Variants in ASTN2 observed in about 807,000 individuals in gnomAD.
ASTN2 encodes astrotactin 2, also known as astrotactin-2.
A neutral mutation model predicts 139.8 loss-of-function variants in ASTN2; 54 were observed. The observed-to-expected ratio is 0.39, with a 90% CI of 0.31 to 0.48. The LOEUF (loss-of-function observed/expected upper bound fraction) is 0.48, where lower values mean the gene tolerates loss of function less well. Ranked by LOEUF, ASTN2 falls within the 20% of genes least tolerant of loss-of-function variation. The pLI is 0.95. For synonymous variants in ASTN2, 756 were observed against 719.5 expected (o/e 1.05, Z -0.81); for missense variants, 1,565 against 1,725.1 (o/e 0.91, Z 1.64).
intron 7 of ASTN2, among the ~76,000 whole-genome samples, chr9:116,996,783 A>T (rs79246733): frequency 0.06 from 9,163 of 152,044 alleles, 317 homozygotes; most frequent in East Asian, 0.15. Flanking sequence ...TTTTCCATAC[A>T]TTTGTTTATT....
intron 1 of ASTN2, among the ~76,000 whole-genome samples, chr9:117,323,082 G>C (rs1828385874): frequency 6.6e-6 from 1 of 152,024 alleles, no homozygotes; most frequent in African/African-American, 2.4e-5. Flanking sequence ...CCTGATGTTA[G>C]ATTGACAGTC....
At chr9:116,996,234 T>C (rs1837011403) in intron 7 of ASTN2, among the ~76,000 whole-genome samples, 1 of 152,148 alleles carries the variant, frequency 6.6e-6, no homozygotes, top group South Asian at 2.1e-4. Context: ...TGATAATTAT[T>C]AGTATAGTAT....
intron 1 of ASTN2, among the ~76,000 whole-genome samples, chr9:117,381,899 T>C (rs908654338): frequency 6.6e-6 from 1 of 152,140 alleles, no homozygotes; most frequent in Non-Finnish European, 1.5e-5. Context: ...AAGGATAGTG[T>C]TCTGGTCACA....
At chr9:116,457,540 G>A (rs1023036444) in intron 20 of ASTN2, among the ~76,000 whole-genome samples, 1 of 152,062 alleles carries the variant, frequency 6.6e-6, no homozygotes, top group Non-Finnish European at 1.5e-5. Context: ...ATGGGCAAAA[G>A]ATCTGAATAG....
intron 5 of ASTN2, among the ~76,000 whole-genome samples, chr9:117,042,079 A>G (rs954455668): frequency 6.6e-6 from 1 of 152,202 alleles, no homozygotes; most frequent in Non-Finnish European, 1.5e-5. Flanking sequence ...TAAGTGCATG[A>G]TGACTCCCAT....
At chr9:116,801,585 C>CAAAAAAA (rs397893932) in intron 13 of ASTN2, among the ~76,000 whole-genome samples, 99 of 60,370 alleles carry the variant, frequency 1.6e-3, no homozygotes, top group Non-Finnish European at 2.3e-3. Context: ...GGCTCTGTCT[C>CAAAAAAA]AAAAAAAAAA....
chr9:116,583,623 G>C (rs779194511), intron 19 of ASTN2: 1 of 151,858 alleles, frequency 6.6e-6, no homozygotes, highest in Non-Finnish European at 1.5e-5. Flanking sequence ...GAGCCTGAGA[G>C]GAAAAGCAAC....
chr9:117,101,860 A>G (rs1018033338), intron 4 of ASTN2, among the ~76,000 whole-genome samples: 6 of 152,208 alleles, frequency 3.9e-5, no homozygotes, highest in African/African-American at 9.7e-5. Context: ...GTGGGTGATA[A>G]TCAAAATAAT....
At chr9:117,267,014 C>G (rs889407759) in intron 2 of ASTN2, among the ~76,000 whole-genome samples, 1 of 152,166 alleles carries the variant, frequency 6.6e-6, no homozygotes, top group African/African-American at 2.4e-5. Flanking sequence ...GTGGAGAAAC[C>G]TGGCAGCCAC....
intron 13 of ASTN2, among the ~76,000 whole-genome samples, chr9:116,792,911 G>C (rs7046880): frequency 0.22 from 34,131 of 151,916 alleles, 4,576 homozygotes; most frequent in Middle Eastern, 0.37. Context: ...TGTACTCATG[G>C]ACATAAAGAT....
intron 10 of ASTN2, among the ~76,000 whole-genome samples, chr9:116,944,338 G>C (rs1835321616): frequency 6.6e-6 from 1 of 152,092 alleles, no homozygotes; most frequent in Non-Finnish European, 1.5e-5. Context: ...TGAGAGAGGA[G>C]ATGATGAGAA....
chr9:116,765,657 A>G (rs921282163), intron 13 of ASTN2, among the ~76,000 whole-genome samples: 3 of 152,162 alleles, frequency 2.0e-5, no homozygotes, highest in Non-Finnish European at 4.4e-5. Flanking sequence ...AAGTCTAGGT[A>G]ATAGAATACT....
At chr9:117,047,883 A>G (rs1838791218) in intron 5 of ASTN2, among the ~76,000 whole-genome samples, 2 of 152,140 alleles carry the variant, frequency 1.3e-5, no homozygotes, top group African/African-American at 2.4e-5. Context: ...TACCACTATC[A>G]CTAGTAACAT....
chr9:116,555,381 G>A (rs62574410), intron 19 of ASTN2, among the ~76,000 whole-genome samples: 24,139 of 152,130 alleles, frequency 0.16, 2,083 homozygotes, highest in African/African-American at 0.21. Context: ...CTAGGGGCCC[G>A]GATTCAGGCC....
At chr9:116,439,579 C>T (rs1847780348) in intron 22 of ASTN2, among the ~76,000 whole-genome samples, 1 of 152,126 alleles carries the variant, frequency 6.6e-6, no homozygotes, top group African/African-American at 2.4e-5. Context: ...TGACAAAAGT[C>T]ATAAAAGTGG....
intron 20 of ASTN2, among the ~76,000 whole-genome samples, chr9:116,476,842 C>T (rs1461518364): frequency 6.6e-6 from 1 of 152,208 alleles, no homozygotes; most frequent in Admixed American, 6.5e-5. Context: ...CTCAACTCAG[C>T]CTGTTCTCCA....
At chr9:117,256,642 C>T (rs891272848) in intron 2 of ASTN2, among the ~76,000 whole-genome samples, 36 of 151,860 alleles carry the variant, frequency 2.4e-4, no homozygotes, top group African/African-American at 8.5e-4. Flanking sequence ...ATCTAGACTA[C>T]GTTATAGTAG....
In ASTN2 at chr9:117,292,816, C is replaced by T. The variant is rs149878691; in HGVS notation, c.443-1303G>A. On this transcript the variant is annotated intron_variant, in intron 1 of 22. Transcript: ENST00000313400. Reference sequence around the variant, plus strand: ...GCAGCACCCATCATATCTGATGACACGGAATGAAAAAGAATCAACTTGAAA... The same window carrying T: ...GCAGCACCCATCATATCTGATGACATGGAATGAAAAAGAATCAACTTGAAA... Among the ~76,000 whole-genome samples the T allele has an allele frequency of 1.1e-4, 17 of 152,150 alleles. No homozygotes were observed. The South Asian group carries it at 1.2e-3, about 11-fold the overall frequency.
At chr9:117,281,694 C>T (rs560935655) in intron 2 of ASTN2, among the ~76,000 whole-genome samples, 1 of 152,286 alleles carries the variant, frequency 6.6e-6, no homozygotes, top group African/African-American at 2.4e-5. Flanking sequence ...CACGCCCTGA[C>T]TCTCTTGCCA....
Sources: allele counts gnomAD v4.1 joint callset (sites outside exome capture counted in the v4.1 genomes callset), GRCh38; gene constraint gnomAD v4.1.1; transcripts MANE v1.5; gene names NCBI Gene and HGNC (gene_info 2026-07-23, HGNC 2026-07-21).